EXOSC10: variants seen among roughly 807,000 people sequenced by gnomAD.
EXOSC10 encodes the protein exosome complex component 10.
A neutral mutation model predicts 126.6 loss-of-function variants in EXOSC10; 94 were observed. The observed-to-expected ratio is 0.74, with a 90% CI of 0.63 to 0.88. The LOEUF (loss-of-function observed/expected upper bound fraction) is 0.88, where lower values mean the gene tolerates loss of function less well. Among genes scored for constraint, EXOSC10 ranks in the 40% least tolerant of loss-of-function variants. The probability of loss-of-function intolerance (pLI) is 0.00; values close to 1 mark genes in which losing one functional copy is unlikely to be tolerated. For missense variants in EXOSC10, 1,041 were observed against 1,100.5 expected, an observed-to-expected ratio of 0.95 and a Z score of 0.77; for synonymous variants, 395 against 400.8, an observed-to-expected ratio of 0.99 and a Z score of 0.17.
intron 2 of EXOSC10, 63 bp from the exon 3 acceptor site, chr1:11,095,944 G>T: frequency 6.4e-7 from 1 of 1,560,374 alleles, no homozygotes; most frequent in South Asian, 1.1e-5. Flanking sequence ...CATTCTGTGA[G>T]AGAGAATGTT....
At chr1:11,081,648 C>T (rs560979172) in intron 10 of EXOSC10, among the ~76,000 whole-genome samples, 1 of 152,226 alleles carries the variant, frequency 6.6e-6, no homozygotes, top group Non-Finnish European at 1.5e-5. Flanking sequence ...TACACAGGAC[C>T]ACATCCTTGA....
At position 11,074,094 on chromosome 1, in the gene EXOSC10, G is replaced by A. The variant is rs1639678532; in HGVS notation, c.2083-86C>T. 5 of 1,440,586 alleles carry A rather than the reference G, an allele frequency of 3.5e-6. No homozygotes were observed. The East Asian group carries it at 6.8e-5, about 20-fold the overall frequency. 89.2% of individuals were successfully genotyped at this position (1,440,586 alleles called of 1,614,324 possible). A position where few individuals can be genotyped will look rare whatever the true frequency, so the allele number is the denominator to read the frequency against. The stretch of plus-strand genomic sequence containing the variant: ...AGAAGCGCTCAGATGGGGGGTTGCT[G>A]GTGCCTTGTCAGCGTCTTTGCCAGG... On this transcript the variant is annotated intron_variant, in intron 18 of 24. Transcript: ENST00000376936.
chr1:11,089,222 T>TAAAAAAAAA (rs533212430), intron 6 of EXOSC10, among the ~76,000 whole-genome samples: 10 of 49,756 alleles, frequency 2.0e-4, no homozygotes, highest in African/African-American at 5.2e-4. Flanking sequence ...AGAGCAAAAC[T>TAAAAAAAAA]AAAAAAAAAA....
At chr1:11,076,134 C>T (rs1639803458) in intron 17 of EXOSC10, among the ~76,000 whole-genome samples, 1 of 152,040 alleles carries the variant, frequency 6.6e-6, no homozygotes, top group Non-Finnish European at 1.5e-5. Flanking sequence ...CACTGCACTC[C>T]AGCCTGTGCA....
At position 11,087,880 on chromosome 1, in the gene EXOSC10, G is replaced by A. The variant is rs1640584099; in HGVS notation, c.865C>T (p.His289Tyr). The change falls in exon 8 of 25, where the codon CAT (histidine) becomes TAT (tyrosine). Residue 289 changes from histidine to tyrosine, a missense_variant. By Grantham distance (83) the His-to-Tyr change is moderately conservative. Around this residue, in one of 3 missense-constraint regions of EXOSC10, gnomAD observed 645 missense variants for 656.3 expected, o/e 0.98. Transcript: ENST00000376936. The stretch of plus-strand genomic sequence containing the variant: ...AGTTCATCCAGGGAGGATATGAAAT[G>A]GCATGGTGTCTCTTCTATAGGTCTG... ...LYRPIEETPC[H>Y]FISSLDELVE... 6 of 1,612,810 alleles carry A rather than the reference G, an allele frequency of 3.7e-6. No individual in the cohort carries two copies. In the East Asian group the frequency reaches 6.7e-5, roughly 18 times the overall value.
intron 14 of EXOSC10, 28 bp downstream of exon 14, chr1:11,079,683 T>C (rs1640034685): frequency 3.8e-6 from 6 of 1,587,914 alleles, no homozygotes; most frequent in African/African-American, 1.3e-5. Flanking sequence ...CGTGAGCCAC[T>C]GTGCCCAGCC....
At chr1:11,087,242 C>T (rs1484850540) in intron 9 of EXOSC10, among the ~76,000 whole-genome samples, 4 of 152,100 alleles carry the variant, frequency 2.6e-5, no homozygotes, top group African/African-American at 7.2e-5. Flanking sequence ...AATGATTTAA[C>T]GTTTTTCTGG....
rs746223864 is a variant in EXOSC10 at position 11,090,616 on chromosome 1, G to A, written c.696C>T (p.Asp232=). 13 of 1,613,938 alleles carry A rather than the reference G, an allele frequency of 8.1e-6. No individual in the cohort carries two copies. Among genetic ancestry groups the A allele is most frequent in the South Asian group, 3.3e-5 (3 of 91,072 alleles). ...ERPQDRPEDL[D]VPPALADFIH... The stretch of plus-strand genomic sequence containing the variant: ...TGAAATCAGCCAGTGCAGGGGGGAC[G>A]TCCAAGTCCTCAGGACGATCCTGTG... The change falls in exon 6 of 25, where the codon GAC becomes GAT. Residue 232 remains aspartate (D), a synonymous_variant. Coordinates refer to ENST00000376936, the MANE Select transcript of EXOSC10 (RefSeq NM_001001998.3).
intron 9 of EXOSC10, among the ~76,000 whole-genome samples, chr1:11,083,601 GTTTTTTTTAAGTTAAAAAAAT>G (rs1640308064): frequency 6.9e-6 from 1 of 145,532 alleles, no homozygotes; most frequent in African/African-American, 2.6e-5. Flanking sequence ...TATATGCAGG[GTTTTTTTTAAGTTAAAAAAAT>G]TTTTTTTTAA....
Position 11,082,819 on chromosome 1 carries a change from T to C in EXOSC10, c.1149A>G (p.Val383=), listed in dbSNP as rs200625479. 39 of 1,614,244 alleles carry C rather than the reference T, an allele frequency of 2.4e-5. No homozygotes were observed. In the African/African-American group the frequency reaches 4.7e-4, roughly 19 times the overall value. ...EWLQKDFGLY[V]VNMFDTHQAA... ...CCTGATGAGTATCAAACATGTTTAC[T>C]ACATACAACCCAAAGTCTTTCTGTA... The change falls in exon 10 of 25, where the codon GTA becomes GTG. Residue 383 remains valine, a synonymous_variant. Coordinates refer to ENST00000376936, the MANE Select transcript of EXOSC10 (RefSeq NM_001001998.3).
At chr1:11,086,599 C>T (rs1335795778) in intron 9 of EXOSC10, among the ~76,000 whole-genome samples, 1 of 152,126 alleles carries the variant, frequency 6.6e-6, no homozygotes, top group African/African-American at 2.4e-5. Context: ...TGTAAAATAA[C>T]AGAAATTATA....
intron 6 of EXOSC10, among the ~76,000 whole-genome samples, chr1:11,088,789 GA>G (rs1334277311): frequency 6.6e-6 from 1 of 152,232 alleles, no homozygotes; most frequent in African/African-American, 2.4e-5. Context: ...TCTATGTGAG[GA>G]AAAGGCCAAT....
intron 18 of EXOSC10, 78 bp from the exon 19 acceptor site, chr1:11,074,086 G>T: frequency 1.4e-6 from 2 of 1,464,854 alleles, no homozygotes; most frequent in Non-Finnish European, 1.9e-6. Context: ...CTCAGATGGG[G>T]GGTTGCTGGT....
chr1:11,069,784 G>C, intron 21 of EXOSC10, 54 bp from the exon 22 acceptor site: 1 of 1,591,052 alleles, frequency 6.3e-7, no homozygotes, highest in Non-Finnish European at 8.6e-7. Context: ...TGGGAACAGG[G>C]AACTCCACCG....
In EXOSC10 at chr1:11,091,042, T is replaced by G. The variant is rs752618220; in HGVS notation, c.615A>C (p.Lys205Asn). The change falls in exon 5 of 25, where the codon AAA (lysine) becomes AAC (asparagine). Residue 205 changes from lysine (K) to asparagine (N), a missense_variant. Lys to Asn is a moderately conservative substitution (Grantham distance 94). Around this residue, in one of 3 missense-constraint regions of EXOSC10, gnomAD observed 645 missense variants for 656.3 expected, o/e 0.98. Transcript: ENST00000376936. ...NTPFLPKIFI[K>N]PNAQKPLPQA... is the part of the protein sequence containing the mutation. ...GAGGGAGAGGTTTCTGAGCATTGGG[T>G]TTGATGAAGATTTTAGGAAGAAATG... is the stretch of plus-strand genomic sequence containing the variant. The G allele has an allele frequency of 6.2e-7, 1 of 1,614,088 alleles. No individual in the cohort carries two copies. The highest frequency in any genetic ancestry group is 8.5e-7 in the Non-Finnish European group (1 of 1,180,006).
intron 19 of EXOSC10, chr1:11,072,956 A>G (rs1639593321): frequency 2.6e-5 from 4 of 152,352 alleles, no homozygotes; most frequent in African/African-American, 9.6e-5. Flanking sequence ...AACAAGCCAG[A>G]TAAGTAAGAT....
intron 10 of EXOSC10, among the ~76,000 whole-genome samples, chr1:11,082,192 C>T (rs906533938): frequency 4.6e-5 from 7 of 152,074 alleles, no homozygotes; most frequent in East Asian, 1.9e-4. Flanking sequence ...AGCAACCAAG[C>T]GGAAAACGAC....
chr1:11,077,799 TGGCATGA>T, intron 14 of EXOSC10, 148 bp from the exon 15 acceptor site: 1 of 634,186 alleles, frequency 1.6e-6, no homozygotes, highest in Non-Finnish European at 2.8e-6. Context: ...TTACAGTGCC[TGGCATGA>T]TAATTATTTG....
intron 9 of EXOSC10, among the ~76,000 whole-genome samples, chr1:11,084,491 T>A (rs1640377270): frequency 6.6e-6 from 1 of 152,206 alleles, no homozygotes; most frequent in Non-Finnish European, 1.5e-5. Flanking sequence ...TTCTTGTAAA[T>A]TTGTTTGAGT....
Sources: gnomAD v4.1 joint callset for allele counts (sites outside exome capture counted in the v4.1 genomes callset) on GRCh38, gnomAD v4.1.1 for gene constraint, gnomAD v4.1.1 regional missense constraint, MANE v1.5 for transcripts, NCBI Gene and HGNC (gene_info 2026-07-23, HGNC 2026-07-21) for gene names.